Variants in TTC17 observed in about 807,000 individuals in gnomAD.
The protein encoded by TTC17 is tetratricopeptide repeat domain 17.
TTC17 carries 58 observed loss-of-function variants against 143.8 expected under a neutral mutation model. That is an observed-to-expected ratio of 0.40 (90% CI 0.33 to 0.50). The LOEUF is 0.50. Ranked by LOEUF, TTC17 falls within the 20% of genes least tolerant of loss-of-function variation. The pLI is 0.49. For synonymous variants in TTC17, 501 were observed against 497.8 expected, an observed-to-expected ratio of 1.01 and a Z score of -0.09; for missense variants, 1,273 against 1,392.5, an observed-to-expected ratio of 0.91 and a Z score of 1.37.
intron 1 of TTC17, among the ~76,000 whole-genome samples, chr11:43,375,129 G>A (rs775137894): frequency 1.3e-5 from 2 of 152,088 alleles, no homozygotes; most frequent in East Asian, 1.9e-4. Flanking sequence ...TCTTTGCTTC[G>A]TCATCCCCAT....
At position 43,405,806 on chromosome 11, in the gene TTC17, A is replaced by T. The variant is rs1386054371; in HGVS notation, c.1616A>T (p.Asp539Val). The T allele has an allele frequency of 6.2e-7, 1 of 1,613,996 alleles. No individual in the cohort carries two copies. Among genetic ancestry groups the T allele is most frequent in the East Asian group, 2.2e-5 (1 of 44,882 alleles). ...GCCAGGATCCACGAACTCAGCAGTG[A>T]TGATTATTCTACAGAAGAAGAGGCC... ...KGLRIHELSSDDYSTEEEAQT... is the reference protein window; with the variant it reads ...KGLRIHELSSVDYSTEEEAQT... Residue 539 changes from aspartate (D) to valine (V), a missense_variant, in exon 13 of 24, where the codon GAT (aspartate) becomes GTT (valine). This residue lies in a region of TTC17 where 878 missense variants were observed against 899.8 expected (regional missense o/e 0.98). Coordinates refer to ENST00000039989, the MANE Select transcript of TTC17 (RefSeq NM_018259.6).
chr11:43,386,379 CTGAATACTGT>C (rs964112118), intron 2 of TTC17, among the ~76,000 whole-genome samples: 1 of 152,140 alleles, frequency 6.6e-6, no homozygotes, highest in Non-Finnish European at 1.5e-5. Flanking sequence ...TGTTACTGTA[CTGAATACTGT>C]AGGCAGTTGT....
chr11:43,469,689 G>C (rs1420485376), intron 21 of TTC17, among the ~76,000 whole-genome samples: 1 of 152,188 alleles, frequency 6.6e-6, no homozygotes, highest in African/African-American at 2.4e-5. Flanking sequence ...ATTACTTCGT[G>C]GGGGAAGGTA....
intron 23 of TTC17, among the ~76,000 whole-genome samples, chr11:43,493,304 G>C (rs1005261754): frequency 3.3e-5 from 5 of 152,272 alleles, no homozygotes; most frequent in African/African-American, 1.2e-4. Context: ...TTGAGATACC[G>C]GACTTAGTTT....
chr11:43,425,600 C>G (rs116659956), intron 16 of TTC17, among the ~76,000 whole-genome samples: 339 of 152,182 alleles, frequency 2.2e-3, no homozygotes, highest in African/African-American at 8.0e-3. Flanking sequence ...TAGAAAAGAG[C>G]ATTCGTGAGA....
rs758233058 is a variant in TTC17 at position 43,397,479 on chromosome 11, G to A, written c.906G>A (p.Gly302=). Residue 302 remains glycine (G), a synonymous_variant, in exon 7 of 24, where the codon GGG becomes GGA. Transcript: ENST00000039989. ...SDFFTSYYTL[G]NIYAMLGEYN... ...TCTTCACCAGCTATTACACTTTGGGGAATATATATGCAGTAAGTACTACTC... is the reference window on the plus strand; with the variant it reads ...TCTTCACCAGCTATTACACTTTGGGAAATATATATGCAGTAAGTACTACTC... 2 of 1,610,974 alleles carry A rather than the reference G, an allele frequency of 1.2e-6. No individual in the cohort carries two copies. Among genetic ancestry groups the A allele is most frequent in the South Asian group, 1.1e-5 (1 of 90,974 alleles).
chr11:43,367,363 G>T (rs562554605), intron 1 of TTC17, among the ~76,000 whole-genome samples: 2 of 152,184 alleles, frequency 1.3e-5, no homozygotes, highest in South Asian at 4.2e-4. Flanking sequence ...ACTTTAATGC[G>T]CAGGCATCAA....
At position 43,427,388 on chromosome 11, in the gene TTC17, C is replaced by T. The variant is rs1157956232; in HGVS notation, c.2251+12612C>T. 3.3e-5 allele frequency among the ~76,000 whole-genome samples: 5 copies of T among 152,194 alleles called. No homozygotes were observed. The East Asian group carries it at 5.8e-4, about 18-fold the overall frequency. On this transcript the variant is annotated intron_variant, in intron 16 of 23. Transcript: ENST00000039989. ...AATCAGAAAGATATGTTGTATTTTA[C>T]TCACTGACCGTAAGAACTTTGTAAC...
intron 21 of TTC17, among the ~76,000 whole-genome samples, chr11:43,468,527 A>G (rs909150102): frequency 3.3e-5 from 5 of 152,226 alleles, no homozygotes; most frequent in Non-Finnish European, 1.5e-5. Context: ...AAGCTAAAGC[A>G]ATAAAGCTAC....
chr11:43,493,858 C>A lies in TTC17; in HGVS notation c.3380C>A (p.Thr1127Asn), dbSNP rs1014009529. ...EFVPAKNRIQTIQCHLMLKKG... is the reference protein window; with the variant it reads ...EFVPAKNRIQNIQCHLMLKKG... ...GTCCCAGCCAAGAACCGAATCCAGA[C>A]CATCCAGTGTCACTTAATGCTGAAG... Residue 1127 changes from threonine (T) to asparagine (N), a missense_variant, in exon 24 of 24, where the codon ACC (threonine) becomes AAC (asparagine). Thr to Asn is a moderately conservative substitution (Grantham distance 65, BLOSUM62 0). Coordinates refer to ENST00000039989, the MANE Select transcript of TTC17 (RefSeq NM_018259.6). 2 of 1,614,008 alleles carry A rather than the reference C, an allele frequency of 1.2e-6. No individual in the cohort carries two copies. Among genetic ancestry groups the A allele is most frequent in the Non-Finnish European group, 1.7e-6 (2 of 1,179,952 alleles).
chr11:43,456,066 T>C (rs1240206328), intron 21 of TTC17, among the ~76,000 whole-genome samples: 12 of 152,142 alleles, frequency 7.9e-5, no homozygotes, highest in African/African-American at 2.9e-4. Context: ...ATCCTTCATA[T>C]TGATAGAGGG....
At chr11:43,419,504 A>G (rs1946851330) in intron 16 of TTC17, among the ~76,000 whole-genome samples, 1 of 152,232 alleles carries the variant, frequency 6.6e-6, no homozygotes, top group South Asian at 2.1e-4. Context: ...GCAATTTTAC[A>G]GAGTTCAGAT....
intron 23 of TTC17, among the ~76,000 whole-genome samples, chr11:43,493,197 A>G (rs1044421259): frequency 3.3e-5 from 5 of 152,350 alleles, no homozygotes; most frequent in Middle Eastern, 3.4e-3. Context: ...TAAGTAAAAG[A>G]TTAACCTTCA....
chr11:43,381,964 G>T (rs1006975625), intron 2 of TTC17, among the ~76,000 whole-genome samples: 1 of 152,204 alleles, frequency 6.6e-6, no homozygotes, highest in Non-Finnish European at 1.5e-5. Flanking sequence ...TTCAAGAATG[G>T]ATGTCACGTG....
intron 16 of TTC17, among the ~76,000 whole-genome samples, chr11:43,435,699 A>G (rs984177520): frequency 1.3e-5 from 2 of 152,118 alleles, no homozygotes; most frequent in African/African-American, 4.8e-5. Context: ...TTGGCTTTTA[A>G]TTTTTAATAA....
intron 21 of TTC17, among the ~76,000 whole-genome samples, chr11:43,471,604 A>G (rs967310498): frequency 6.6e-6 from 1 of 152,236 alleles, no homozygotes; most frequent in African/African-American, 2.4e-5. Flanking sequence ...TCCAGCTTTC[A>G]TCCCTTCCCA....
At position 43,405,766 on chromosome 11, in the gene TTC17, G is replaced by T; in HGVS notation, c.1596-20G>T. On this transcript the variant is annotated intron_variant, in intron 12 of 23. Coordinates refer to ENST00000039989, the MANE Select transcript of TTC17 (RefSeq NM_018259.6). ...CCCAAACTTTGAAAATATGAATCTT[G>T]TTCCTTTTTCTTGTGCCAGGATCCA... 1 of 1,612,892 alleles carries T rather than the reference G, an allele frequency of 6.2e-7. No individual in the cohort carries two copies. The highest frequency in any genetic ancestry group is 8.5e-7 in the Non-Finnish European group (1 of 1,179,660).
intron 5 of TTC17, among the ~76,000 whole-genome samples, chr11:43,392,856 G>C (rs1466263286): frequency 6.6e-6 from 1 of 152,192 alleles, no homozygotes; most frequent in Non-Finnish European, 1.5e-5. Context: ...TAACTGGGTG[G>C]CTACTTTAGA....
intron 23 of TTC17, among the ~76,000 whole-genome samples, chr11:43,493,461 T>G (rs1948506754): frequency 6.6e-6 from 1 of 152,154 alleles, no homozygotes; most frequent in Non-Finnish European, 1.5e-5. Context: ...CTCAGGAATG[T>G]TAGGTCTCAT....
Sources: allele counts gnomAD v4.1 joint callset (sites outside exome capture counted in the v4.1 genomes callset), GRCh38; gene constraint gnomAD v4.1.1; regional missense constraint gnomAD v4.1.1; transcripts MANE v1.5; gene names NCBI Gene and HGNC (gene_info 2026-07-23, HGNC 2026-07-21).